Variants in ULK4 observed in about 807,000 individuals in gnomAD.
ULK4 encodes inactive serine/threonine-protein kinase ULK4.
A neutral mutation model predicts 160.6 loss-of-function variants in ULK4; 133 were observed. That is an observed-to-expected ratio of 0.83 (90% confidence interval 0.72 to 0.96). The LOEUF is 0.96. ULK4 is among the 40% of genes least tolerant of loss of function. ULK4 has a pLI of 0.00. For synonymous variants in ULK4, 534 were observed against 539.8 expected (o/e 0.99, Z 0.15); for missense variants, 1,580 against 1,499.5 (o/e 1.05, Z -0.89).
chr3:41,680,647 A>G (rs545093381), intron 29 of ULK4, among the ~76,000 whole-genome samples: 1 of 152,292 alleles, frequency 6.6e-6, no homozygotes, highest in Admixed American at 6.5e-5. Flanking sequence ...TACTATGATC[A>G]TTAATTTTTT....
intron 35 of ULK4, among the ~76,000 whole-genome samples, chr3:41,395,370 AACAAC>A (rs1388588873): frequency 3.9e-5 from 6 of 152,142 alleles, no homozygotes; most frequent in Admixed American, 3.9e-4. Flanking sequence ...GAAAAGGTGG[AACAAC>A]ACAAATGTCC....
intron 27 of ULK4, among the ~76,000 whole-genome samples, chr3:41,693,605 A>C (rs2036384767): frequency 6.6e-6 from 1 of 152,198 alleles, no homozygotes; most frequent in African/African-American, 2.4e-5. Flanking sequence ...ATAAGAAAAC[A>C]CATGCCCACT....
At chr3:41,305,865 C>T (rs1333139465) in intron 35 of ULK4, among the ~76,000 whole-genome samples, 5 of 141,418 alleles carry the variant, frequency 3.5e-5, no homozygotes, top group Admixed American at 7.0e-5. Flanking sequence ...AGCGCCTCTG[C>T]CCCCCCGCCC....
At chr3:41,946,507 T>C (rs1183043577) in intron 2 of ULK4, among the ~76,000 whole-genome samples, 1 of 152,200 alleles carries the variant, frequency 6.6e-6, no homozygotes, top group Non-Finnish European at 1.5e-5. Context: ...ACTACACTAC[T>C]CGGGTGTGCC....
chr3:41,525,639 T>C (rs2086088591), intron 32 of ULK4, among the ~76,000 whole-genome samples: 1 of 152,240 alleles, frequency 6.6e-6, no homozygotes, highest in South Asian at 2.1e-4. Flanking sequence ...TGCAGGAGCA[T>C]CAAATACTCC....
At chr3:41,469,605 A>AAAAAAAAAAAAAAAAAAAAAAAC (rs1559625713) in intron 32 of ULK4, among the ~76,000 whole-genome samples, 4 of 137,280 alleles carry the variant, frequency 2.9e-5, no homozygotes, top group Middle Eastern at 3.4e-3. Flanking sequence ...CACCTGCCAA[A>AAAAAAAAAAAAAAAAAAAAAAAC]AAAAAAAAAA....
At position 41,831,218 on chromosome 3, in the gene ULK4, G is replaced by A. The variant is rs865973918; in HGVS notation, c.1764+4646C>T. On this transcript the variant is annotated intron_variant, in intron 18 of 36. Transcript: ENST00000301831. ...AATTTTTGCAAGTTTTTTAGACGAG[G>A]TTTCACCATGTTGACCAGGGCGGTC... Among the ~76,000 whole-genome samples the A allele has an allele frequency of 2.6e-5, 4 of 151,708 alleles. No homozygotes were observed. The South Asian group carries it at 6.2e-4, about 24-fold the overall frequency.
intron 30 of ULK4, among the ~76,000 whole-genome samples, chr3:41,648,407 C>T (rs1180446305): frequency 6.6e-6 from 1 of 152,142 alleles, no homozygotes; most frequent in African/African-American, 2.4e-5. Context: ...ATGACTACAG[C>T]TCCAAATAGA....
At chr3:41,734,478 GC>G (rs1196551114) in intron 22 of ULK4, among the ~76,000 whole-genome samples, 1 of 152,114 alleles carries the variant, frequency 6.6e-6, no homozygotes, top group Admixed American at 6.5e-5. Context: ...GATAATATAA[GC>G]CTGAAGTGGA....
chr3:41,441,244 T>A (rs2083160761), intron 34 of ULK4, among the ~76,000 whole-genome samples: 2 of 152,080 alleles, frequency 1.3e-5, no homozygotes, highest in South Asian at 4.1e-4. Flanking sequence ...GGTAATTGAT[T>A]TGAGACCTTT....
chr3:41,477,825 G>A (rs146470572), intron 32 of ULK4, among the ~76,000 whole-genome samples: 1,742 of 152,242 alleles, frequency 0.011, 15 homozygotes, highest in Non-Finnish European at 0.02. Flanking sequence ...ACTCACATAC[G>A]GCATGGCCCC....
chr3:41,958,551 A>AG (rs1251405528), intron 1 of ULK4, among the ~76,000 whole-genome samples: 1 of 151,546 alleles, frequency 6.6e-6, no homozygotes. Context: ...AAAATACAAA[A>AG]AAAAAAAAAA....
At chr3:41,924,750 T>C (rs545025665) in intron 5 of ULK4, among the ~76,000 whole-genome samples, 29 of 152,302 alleles carry the variant, frequency 1.9e-4, no homozygotes, top group Non-Finnish European at 3.7e-4. Flanking sequence ...CCTGAAAGTT[T>C]AATTTCCTTT....
Position 41,882,397 on chromosome 3 carries a change from A to G in ULK4, c.1656+1477T>C, listed in dbSNP as rs150489390. On this transcript the variant is annotated intron_variant, in intron 17 of 36. Transcript: ENST00000301831. ...CAGGGTGGTCGTAGTATTCTTTTCT[A>G]TAAGTTGATCATCTCAATTCAGACT... 196 of 651,244 alleles carry G rather than the reference A, an allele frequency of 3.0e-4. No homozygotes were observed. In the African/African-American group the frequency reaches 3.1e-3, roughly 10 times the overall value. The allele number at this position is 651,244 out of a possible 1,614,324, so 40.3% of individuals were successfully genotyped here.
chr3:41,905,896 G>A (rs1255406848), intron 12 of ULK4, among the ~76,000 whole-genome samples: 1 of 152,064 alleles, frequency 6.6e-6, no homozygotes, highest in African/African-American at 2.4e-5. Flanking sequence ...CCAACATGGT[G>A]AAACCTGTCT....
At chr3:41,386,195 C>T (rs1040395162) in intron 35 of ULK4, among the ~76,000 whole-genome samples, 2 of 152,124 alleles carry the variant, frequency 1.3e-5, no homozygotes, top group African/African-American at 2.4e-5. Context: ...TAGCTATTAT[C>T]TCAATATTGA....
At chr3:41,753,056 A>G (rs929659049) in intron 22 of ULK4, among the ~76,000 whole-genome samples, 5 of 152,072 alleles carry the variant, frequency 3.3e-5, no homozygotes, top group African/African-American at 9.7e-5. Flanking sequence ...CTATCAAAAC[A>G]TTTTAAAAAG....
chr3:41,283,838 C>G (rs2079409033), intron 35 of ULK4, among the ~76,000 whole-genome samples: 1 of 98,660 alleles, frequency 1.0e-5, no homozygotes. Flanking sequence ...GCTCCTAGAA[C>G]TGATAAAAAA....
At position 41,397,654 on chromosome 3, in the gene ULK4, TCCTAGACTGTATCCTACA is replaced by T. The variant is rs1181342687; in HGVS notation, c.3678+407_3678+424del. 5.3e-5 allele frequency among the ~76,000 whole-genome samples: 8 copies of T among 152,186 alleles called. No homozygotes were observed. The East Asian group carries it at 1.6e-3, about 30-fold the overall frequency. ...GACACATGTCTACCAAAATACATAA[TCCTAGACTGTATCCTACA>T]CCAGAAAAAAGGCTATGAAAGTTAC... On this transcript the variant is annotated intron_variant, in intron 35 of 36. Transcript: ENST00000301831.
Sources: allele counts gnomAD v4.1 joint callset (sites outside exome capture counted in the v4.1 genomes callset), GRCh38; gene constraint gnomAD v4.1.1; transcripts MANE v1.5; gene names NCBI Gene and HGNC (gene_info 2026-07-23, HGNC 2026-07-21).